Variants in TGM4 observed in about 807,000 individuals in gnomAD.
TGM4 encodes protein-glutamine gamma-glutamyltransferase 4.
A neutral mutation model predicts 76.3 loss-of-function variants in TGM4; 61 were observed. The observed-to-expected ratio is 0.80, with a 90% CI of 0.65 to 0.99. The LOEUF is 0.99. TGM4 is among the 50% of genes least tolerant of loss of function. The probability of loss-of-function intolerance (pLI) is 0.00; values close to 1 mark genes in which losing one functional copy is unlikely to be tolerated. For missense variants in TGM4, 794 were observed against 843.2 expected (o/e 0.94, Z 0.72); for synonymous variants, 337 against 329.8 (o/e 1.02, Z -0.24).
chr3:44,893,841 AG>A, intron 5 of TGM4, 146 bp downstream of exon 5: 1 of 754,020 alleles, frequency 1.3e-6, no homozygotes, highest in Non-Finnish European at 2.3e-6. Context: ...TTGGCCATAG[AG>A]GGGTGACCTG....
Position 44,901,612 on chromosome 3 carries a change from G to C in TGM4, c.746G>C (p.Ser249Thr), listed in dbSNP as rs937838. The C allele has an allele frequency of 0.088, 142,177 of 1,614,002 alleles. 6,466 individuals carry two copies. Among genetic ancestry groups the C allele is most frequent in the Middle Eastern group, 0.15 (901 of 6,062 alleles). ...ACAGCCCCATACAAGTGGACAGGCA[G>C]TGCCCCGATCCTGCAGCAGTACTAC... The part of the protein sequence containing the change: ...GGTAPYKWTG[S>T]APILQQYYNT... The change falls in exon 7 of 14, where the codon AGT becomes ACT. Residue 249 changes from serine (S) to threonine (T), a missense_variant. Transcript: ENST00000296125.
intron 9 of TGM4, among the ~76,000 whole-genome samples, chr3:44,904,531 G>A (rs1298405066): frequency 6.6e-6 from 1 of 152,184 alleles, no homozygotes; most frequent in East Asian, 1.9e-4. Flanking sequence ...GTACAGCTGG[G>A]GAAGCAGAGG....
At position 44,885,196 on chromosome 3, in the gene TGM4, G is replaced by A. The variant is rs191181646; in HGVS notation, c.20-129G>A. On this transcript the variant is annotated intron_variant, in intron 1 of 13. Coordinates refer to ENST00000296125, the MANE Select transcript of TGM4 (RefSeq NM_003241.4). The stretch of plus-strand genomic sequence containing the variant: ...ACAGATTCATAACCAGCTGGAGGTG[G>A]AGCAGGGATGCCCGACTCTAAAGCC... The A allele has an allele frequency of 2.9e-3, 2,657 of 901,394 alleles. 10 individuals carry two copies. The highest frequency in any genetic ancestry group is 0.012 in the Middle Eastern group (34 of 2,938). The allele number at this position is 901,394 out of a possible 1,614,324, so 55.8% of individuals were successfully genotyped here.
At chr3:44,900,207 G>A (rs1440315882) in intron 6 of TGM4, among the ~76,000 whole-genome samples, 2 of 152,216 alleles carry the variant, frequency 1.3e-5, no homozygotes, top group African/African-American at 2.4e-5. Flanking sequence ...AGCAGGCGCT[G>A]ACAGGCTGGG....
intron 5 of TGM4, among the ~76,000 whole-genome samples, chr3:44,895,847 A>G (rs1027602941): frequency 6.6e-6 from 1 of 152,190 alleles, no homozygotes; most frequent in Non-Finnish European, 1.5e-5. Flanking sequence ...TAGATGGTAA[A>G]TTTTATGAGA....
chr3:44,886,339 T>C (rs1454209658), intron 2 of TGM4, among the ~76,000 whole-genome samples: 1 of 151,706 alleles, frequency 6.6e-6, no homozygotes, highest in African/African-American at 2.4e-5. Flanking sequence ...AAACTCCGTC[T>C]CAAAAAAAAA....
chr3:44,902,774 G>A (rs1699872290), intron 8 of TGM4, among the ~76,000 whole-genome samples: 1 of 152,168 alleles, frequency 6.6e-6, no homozygotes, highest in African/African-American at 2.4e-5. Context: ...CCACTGGCCA[G>A]CATGAAGCTT....
rs1292716565 is a variant in TGM4, at chr3:44,910,378, C to T, written c.1606+10C>T. 2.5e-6 allele frequency: 4 copies of T among 1,610,876 alleles called. No homozygotes were observed. The highest frequency in any genetic ancestry group is 2.7e-5 in the African/African-American group (2 of 74,838). On this transcript the variant is annotated intron_variant, in intron 11 of 13. Coordinates refer to ENST00000296125, the MANE Select transcript of TGM4 (RefSeq NM_003241.4). ...CAGATCCAAGGTCAAGGTACCAGAA[C>T]CAGAGGGAGGAGAGGCCTCAAGTGG...
chr3:44,907,410 G>A (rs1699939775), intron 10 of TGM4, among the ~76,000 whole-genome samples: 1 of 152,074 alleles, frequency 6.6e-6, no homozygotes, highest in Non-Finnish European at 1.5e-5. Context: ...TTGAGCCAGG[G>A]AGGTTGAGGT....
rs2125756858 is a variant in TGM4 at position 44,901,536 on chromosome 3, A to G, written c.670A>G (p.Lys224Glu). 6.2e-7 allele frequency: 1 copy of G among 1,605,534 alleles called. No homozygotes were observed. The highest frequency in any genetic ancestry group is 2.2e-5 in the East Asian group (1 of 44,562). ...RAMCAMMSFE[K>E]GQGVLIGNWT... ...ACGTGTGTGGCAGATGAGCTTTGAG[A>G]AAGGCCAGGGCGTGCTCATTGGGAA... Residue 224 changes from lysine to glutamate, a missense_variant, in exon 7 of 14, where the codon AAA becomes GAA. By Grantham distance (56) the Lys-to-Glu change is moderately conservative (BLOSUM62 1). Coordinates refer to ENST00000296125, the MANE Select transcript of TGM4 (RefSeq NM_003241.4).
At chr3:44,878,496 TA>T (rs1408340267) in intron 1 of TGM4, among the ~76,000 whole-genome samples, 1 of 140,162 alleles carries the variant, frequency 7.1e-6, no homozygotes, top group East Asian at 2.2e-4. Context: ...TTATTATTAT[TA>T]TTTGAGATGA....
At chr3:44,885,875 A>G (rs773098861) in intron 2 of TGM4, among the ~76,000 whole-genome samples, 1 of 152,226 alleles carries the variant, frequency 6.6e-6, no homozygotes, top group Non-Finnish European at 1.5e-5. Flanking sequence ...TGATTAAAAT[A>G]TCATATTTTG....
Position 44,913,819 on chromosome 3 carries a change from A to C in TGM4, c.*94A>C. ...TATGGATGATTAAATTTGATGACTT[A>C]TATGAGGGCAGATTCAAGAGCCAGC... On this transcript the variant is annotated 3_prime_UTR_variant, in exon 14 of 14. Coordinates refer to ENST00000296125, the MANE Select transcript of TGM4 (RefSeq NM_003241.4). 1.3e-6 allele frequency: 2 copies of C among 1,507,846 alleles called. No individual in the cohort carries two copies. Among genetic ancestry groups the C allele is most frequent in the Non-Finnish European group, 8.9e-7 (1 of 1,126,206 alleles). 93.4% of individuals were successfully genotyped at this position (1,507,846 alleles called of 1,614,324 possible).
intron 8 of TGM4, among the ~76,000 whole-genome samples, chr3:44,902,271 A>G (rs2125757260): frequency 6.6e-6 from 1 of 152,312 alleles, no homozygotes; most frequent in African/African-American, 2.4e-5. Context: ...TTGGCCTTGG[A>G]CAATCTGTGC....
At chr3:44,890,763 G>A (rs760470778) in intron 4 of TGM4, 31 bp downstream of exon 4, 1 of 1,611,694 alleles carries the variant, frequency 6.2e-7, no homozygotes, top group Non-Finnish European at 8.5e-7. Context: ...GCTGGGGAAT[G>A]GCAGGTGACC....
At chr3:44,882,748 A>C (rs1699551001) in intron 1 of TGM4, among the ~76,000 whole-genome samples, 1 of 152,218 alleles carries the variant, frequency 6.6e-6, no homozygotes, top group Non-Finnish European at 1.5e-5. Flanking sequence ...TATTTCTATA[A>C]GGTCACATTC....
intron 5 of TGM4, among the ~76,000 whole-genome samples, chr3:44,894,670 A>C (rs1699755932): frequency 6.6e-6 from 1 of 151,486 alleles, no homozygotes; most frequent in South Asian, 2.1e-4. Flanking sequence ...TTGACAACAA[A>C]AAACTCCTGG....
chr3:44,877,993 A>G (rs1442106782), intron 1 of TGM4, among the ~76,000 whole-genome samples: 1 of 152,118 alleles, frequency 6.6e-6, no homozygotes, highest in East Asian at 1.9e-4. Flanking sequence ...TTCACAAAAA[A>G]TGAAAAAATT....
intron 10 of TGM4, among the ~76,000 whole-genome samples, chr3:44,908,716 C>T (rs966013561): frequency 3.9e-5 from 6 of 151,982 alleles, no homozygotes; most frequent in African/African-American, 1.5e-4. Context: ...TTTGGCAAGC[C>T]ATTTGTTCTC....
Sources: allele counts gnomAD v4.1 joint callset (sites outside exome capture counted in the v4.1 genomes callset), GRCh38; gene constraint gnomAD v4.1.1; transcripts MANE v1.5; gene names NCBI Gene and HGNC (gene_info 2026-07-23, HGNC 2026-07-21).